The following CCDC148 variants were observed in gnomAD, a reference collection of about 807,000 sequenced individuals.
CCDC148 encodes the protein coiled-coil domain containing 148, also known as coiled-coil domain-containing protein 148.
Under a neutral mutation model 85.7 loss-of-function variants are expected in CCDC148, and 89 were observed. The observed-to-expected ratio is 1.04, with a 90% CI of 0.87 to 1.24. The LOEUF (loss-of-function observed/expected upper bound fraction) is 1.24, where lower values mean the gene tolerates loss of function less well. Among genes scored for constraint, CCDC148 ranks in the 50% most tolerant of loss-of-function variants. CCDC148 has a pLI of 0.00. For synonymous variants in CCDC148, 230 were observed against 213.9 expected (o/e 1.08, Z -0.66); for missense variants, 692 against 671.7 (o/e 1.03, Z -0.33).
chr2:158,323,884 C>T lies in CCDC148; in HGVS notation c.765-9990G>A, dbSNP rs571932695. Reference sequence around the variant, plus strand: ...TTAAAAAATAGAAAGTAAAAATATGCCAAAATTATGTCTAATTTCACCACC... The same window carrying T: ...TTAAAAAATAGAAAGTAAAAATATGTCAAAATTATGTCTAATTTCACCACC... On this transcript the variant is annotated intron_variant, in intron 7 of 13. Coordinates refer to ENST00000283233, the MANE Select transcript of CCDC148 (RefSeq NM_138803.4). Among the ~76,000 whole-genome samples the T allele has an allele frequency of 2.0e-5, 3 of 149,162 alleles. No individual in the cohort carries two copies. The South Asian group carries it at 6.3e-4, about 31-fold the overall frequency.
intron 11 of CCDC148, among the ~76,000 whole-genome samples, chr2:158,187,660 T>C (rs1364826082): frequency 2.0e-5 from 3 of 152,054 alleles, no homozygotes; most frequent in Admixed American, 6.6e-5. Flanking sequence ...TACCTTCTTC[T>C]TGGAATGTGC....
intron 7 of CCDC148, among the ~76,000 whole-genome samples, chr2:158,327,215 T>C (rs529403122): frequency 1.3e-5 from 2 of 152,270 alleles, no homozygotes; most frequent in South Asian, 4.1e-4. Context: ...ATCTGGGAAG[T>C]CCTGCTGATC....
chr2:158,425,441 CT>C (rs1224421294), intron 1 of CCDC148: 1 of 317,358 alleles, frequency 3.2e-6, no homozygotes, highest in East Asian at 7.1e-5. Flanking sequence ...ACAATTGTGT[CT>C]AACTGTATAT....
intron 9 of CCDC148, among the ~76,000 whole-genome samples, chr2:158,296,337 C>T (rs959443585): frequency 6.6e-6 from 1 of 152,146 alleles, no homozygotes. Context: ...ACCCTTTCTT[C>T]ATTGAACTGA....
chr2:158,417,594 A>G (rs72944422), intron 1 of CCDC148, among the ~76,000 whole-genome samples: 25,337 of 152,058 alleles, frequency 0.17, 2,275 homozygotes, highest in Middle Eastern at 0.21. Flanking sequence ...CTCCAACCAA[A>G]TCCTCCTTCC....
At chr2:158,281,135 C>G (rs11692181) in intron 9 of CCDC148, among the ~76,000 whole-genome samples, 15,608 of 151,730 alleles carry the variant, frequency 0.1, 1,087 homozygotes, top group East Asian at 0.15. Flanking sequence ...GCAGTGTGTA[C>G]AGGGAAATTT....
At chr2:158,214,066 G>C (rs567979067) in intron 11 of CCDC148, among the ~76,000 whole-genome samples, 1 of 144,222 alleles carries the variant, frequency 6.9e-6, no homozygotes, top group Non-Finnish European at 1.5e-5. Context: ...GGCTAGAAAG[G>C]AACTTGGAGC....
At chr2:158,185,169 CCCCTATGG>C (rs1220873636) in intron 11 of CCDC148, among the ~76,000 whole-genome samples, 1 of 152,148 alleles carries the variant, frequency 6.6e-6, no homozygotes, top group Non-Finnish European at 1.5e-5. Flanking sequence ...TCTTTCCCAG[CCCCTATGG>C]CCCTGACACA....
chr2:158,299,437 A>G (rs949215988), intron 9 of CCDC148, among the ~76,000 whole-genome samples: 3 of 151,960 alleles, frequency 2.0e-5, no homozygotes, highest in African/African-American at 7.3e-5. Context: ...TGCAGCCCAA[A>G]CTCCAATCTC....
intron 9 of CCDC148, among the ~76,000 whole-genome samples, chr2:158,268,579 AC>A (rs766793760): frequency 6.6e-6 from 1 of 152,138 alleles, no homozygotes; most frequent in Admixed American, 6.5e-5. Context: ...TCACCTAGTA[AC>A]CCTTTTTGTT....
At chr2:158,182,188 C>T (rs188084514) in intron 11 of CCDC148, among the ~76,000 whole-genome samples, 3 of 152,138 alleles carry the variant, frequency 2.0e-5, no homozygotes, top group Non-Finnish European at 4.4e-5. Flanking sequence ...TGGAGAAATA[C>T]ATGGGGAGTC....
chr2:158,327,154 A>G (rs113565487), intron 7 of CCDC148, among the ~76,000 whole-genome samples: 2 of 152,244 alleles, frequency 1.3e-5, no homozygotes, highest in African/African-American at 4.8e-5. Flanking sequence ...CATTTATATG[A>G]TATATTATTG....
intron 2 of CCDC148, among the ~76,000 whole-genome samples, chr2:158,353,150 A>T (rs1445526546): frequency 2.7e-5 from 4 of 146,956 alleles, no homozygotes; most frequent in East Asian, 2.0e-4. Context: ...CATCGAGACT[A>T]GGAAGAAACT....
chr2:158,366,135 G>T, intron 1 of CCDC148: 1 of 1,225,342 alleles, frequency 8.2e-7, no homozygotes. Context: ...TGTTTTTAAA[G>T]CTGTGTTACT....
chr2:158,288,649 G>T, intron 9 of CCDC148: 1 of 220,458 alleles, frequency 4.5e-6, no homozygotes, highest in Non-Finnish European at 9.2e-6. Context: ...AAGTCTCTAG[G>T]AGGTTCCAAA....
chr2:158,301,050 G>A (rs1691417529), intron 9 of CCDC148, among the ~76,000 whole-genome samples: 1 of 151,980 alleles, frequency 6.6e-6, no homozygotes, highest in Admixed American at 6.6e-5. Flanking sequence ...GTAGAGGCAG[G>A]GTCTTGCTAT....
chr2:158,358,379 A>C, intron 2 of CCDC148, 70 bp downstream of exon 2: 1 of 1,525,548 alleles, frequency 6.6e-7, no homozygotes, highest in Middle Eastern at 1.7e-4. Flanking sequence ...TTTCACATTG[A>C]CAATGTAAAT....
At chr2:158,204,975 G>C (rs570794202) in intron 11 of CCDC148, among the ~76,000 whole-genome samples, 23 of 152,288 alleles carry the variant, frequency 1.5e-4, no homozygotes, top group African/African-American at 5.3e-4. Context: ...ACTCCAGTGA[G>C]AGATTAAAGA....
At chr2:158,259,433 T>C (rs1398872892) in intron 9 of CCDC148, among the ~76,000 whole-genome samples, 2 of 151,902 alleles carry the variant, frequency 1.3e-5, no homozygotes, top group South Asian at 2.1e-4. Flanking sequence ...GCTCAATAGA[T>C]ATGTTTAAAT....
Sources: allele counts gnomAD v4.1 joint callset (sites outside exome capture counted in the v4.1 genomes callset), GRCh38; gene constraint gnomAD v4.1.1; transcripts MANE v1.5; gene names NCBI Gene and HGNC (gene_info 2026-07-23, HGNC 2026-07-21).